Variants in PBX3 observed in about 807,000 individuals in gnomAD.
PBX3 encodes pre-B-cell leukemia transcription factor 3.
PBX3 carries 14 observed loss-of-function variants against 48.5 expected under a neutral mutation model. That is an observed-to-expected ratio of 0.29 (90% CI 0.19 to 0.45). The LOEUF (loss-of-function observed/expected upper bound fraction) is 0.45, where lower values mean the gene tolerates loss of function less well. PBX3 is among the 20% of genes least tolerant of loss of function. PBX3 has a pLI of 1.00. For synonymous variants in PBX3, 210 were observed against 200.3 expected (o/e 1.05, Z -0.41); for missense variants, 386 against 546.7 (o/e 0.71, Z 2.93).
chr9:125,900,976 C>T (rs1373118051), intron 2 of PBX3, among the ~76,000 whole-genome samples: 2 of 151,626 alleles, frequency 1.3e-5, no homozygotes, highest in East Asian at 3.9e-4. Flanking sequence ...ATTGTAGATG[C>T]CAAGTGAGAA....
Position 125,929,635 on chromosome 9 carries a change from A to G in PBX3, c.517-20A>G, listed in dbSNP as rs746628134. ...ATAGTAGATAGTTTCCAAAGGAGTG[A>G]TTTTTTTTTCCCATTACAGGCATGT... is the stretch of plus-strand genomic sequence containing the variant. On this transcript the variant is annotated intron_variant, in intron 3 of 8. Transcript: ENST00000373489. The G allele has an allele frequency of 9.7e-6, 15 of 1,551,654 alleles. No individual in the cohort carries two copies. Among genetic ancestry groups the G allele is most frequent in the Non-Finnish European group, 1.2e-5 (14 of 1,136,458 alleles).
intron 4 of PBX3, among the ~76,000 whole-genome samples, chr9:125,934,472 A>C (rs932628512): frequency 6.6e-6 from 1 of 152,244 alleles, no homozygotes; most frequent in Non-Finnish European, 1.5e-5. Context: ...GATAATTTTC[A>C]GGCTGGAATT....
At chr9:125,907,591 T>C (rs1032858090) in intron 2 of PBX3, among the ~76,000 whole-genome samples, 2 of 152,056 alleles carry the variant, frequency 1.3e-5, no homozygotes, top group African/African-American at 2.4e-5. Flanking sequence ...GTTCGTGGTA[T>C]CCCTATTTAC....
chr9:125,949,364 T>G (rs1281342528), intron 5 of PBX3: 1 of 1,550,622 alleles, frequency 6.4e-7, no homozygotes, highest in South Asian at 1.2e-5. Context: ...TACATTTTCT[T>G]GCCGGGCATA....
chr9:125,934,665 T>C (rs1004013896), intron 4 of PBX3, among the ~76,000 whole-genome samples: 1 of 152,176 alleles, frequency 6.6e-6, no homozygotes, highest in Non-Finnish European at 1.5e-5. Context: ...AGGAAGTTGC[T>C]TAAGCAGAAA....
chr9:125,899,173 T>A (rs557799363), intron 2 of PBX3, among the ~76,000 whole-genome samples: 1 of 147,436 alleles, frequency 6.8e-6, no homozygotes, highest in East Asian at 2.0e-4. Flanking sequence ...CCTTATTGTG[T>A]ACTTCACATT....
intron 2 of PBX3, among the ~76,000 whole-genome samples, chr9:125,805,521 G>A (rs988958953): frequency 6.6e-6 from 1 of 152,204 alleles, no homozygotes; most frequent in African/African-American, 2.4e-5. Flanking sequence ...TGTGCCACTT[G>A]GAGGCTATGG....
intron 2 of PBX3, among the ~76,000 whole-genome samples, chr9:125,851,321 C>CTTGA (rs2132260036): frequency 6.6e-6 from 1 of 152,080 alleles, no homozygotes; most frequent in African/African-American, 2.4e-5. Flanking sequence ...TGTTTAAAAT[C>CTTGA]TAAATCAACA....
At chr9:125,872,026 T>C (rs768554191) in intron 2 of PBX3, among the ~76,000 whole-genome samples, 7 of 152,208 alleles carry the variant, frequency 4.6e-5, no homozygotes, top group African/African-American at 7.2e-5. Context: ...AATACTGATA[T>C]TGAAGAAGTT....
intron 2 of PBX3, among the ~76,000 whole-genome samples, chr9:125,832,942 C>T (rs1438306153): frequency 1.3e-5 from 2 of 152,152 alleles, no homozygotes; most frequent in African/African-American, 4.8e-5. Flanking sequence ...TTATTATTTC[C>T]TGATGGCTCT....
chr9:125,914,120 T>C (rs73667295), intron 2 of PBX3, among the ~76,000 whole-genome samples: 4,235 of 152,296 alleles, frequency 0.028, 232 homozygotes, highest in African/African-American at 0.096. Flanking sequence ...CTTTTAGTTA[T>C]AGAAGAAACA....
intron 5 of PBX3, among the ~76,000 whole-genome samples, chr9:125,941,824 T>C (rs996530946): frequency 9.9e-5 from 15 of 152,232 alleles, no homozygotes; most frequent in African/African-American, 3.4e-4. Flanking sequence ...CTAATTTACA[T>C]TGATTATTCA....
intron 8 of PBX3, among the ~76,000 whole-genome samples, chr9:125,964,850 A>T (rs1413696760): frequency 6.6e-6 from 1 of 152,196 alleles, no homozygotes; most frequent in Non-Finnish European, 1.5e-5. Context: ...AGGAAGTTGC[A>T]AATAGATGTG....
At chr9:125,962,760 T>C (rs1018415322) in intron 7 of PBX3, among the ~76,000 whole-genome samples, 1 of 152,170 alleles carries the variant, frequency 6.6e-6, no homozygotes, top group Non-Finnish European at 1.5e-5. Context: ...GCCACATCCA[T>C]TTGGTTGCTG....
chr9:125,839,487 A>G (rs1265229558), intron 2 of PBX3, among the ~76,000 whole-genome samples: 2 of 152,240 alleles, frequency 1.3e-5, no homozygotes, highest in Non-Finnish European at 2.9e-5. Context: ...ACCCTATAAC[A>G]GAAATATTTC....
At chr9:125,835,015 CAAAAAAAAAAAAAAAAAAA>C (rs745638368) in intron 2 of PBX3, among the ~76,000 whole-genome samples, 1 of 25,170 alleles carries the variant, frequency 4.0e-5, no homozygotes, top group African/African-American at 1.6e-4. Context: ...AACTCTGTCT[CAAAAAAAAAAAAAAAAAAA>C]AAAAAAAAAA....
chr9:125,845,437 G>A (rs1178856244), intron 2 of PBX3, among the ~76,000 whole-genome samples: 1 of 152,100 alleles, frequency 6.6e-6, no homozygotes, highest in East Asian at 1.9e-4. Flanking sequence ...AAGCAACTCT[G>A]TACTGTTGTA....
At chr9:125,795,392 C>G (rs192219801) in intron 2 of PBX3, among the ~76,000 whole-genome samples, 1 of 152,268 alleles carries the variant, frequency 6.6e-6, no homozygotes, top group Admixed American at 6.5e-5. Flanking sequence ...ACATTTGATT[C>G]AGAATTTAGG....
At position 125,789,081 on chromosome 9, in the gene PBX3, A is replaced by C. The variant is rs189666036; in HGVS notation, c.274+40458A>C. Reference sequence around the variant, plus strand: ...CTCAACACTTATTTTAAGATTTTCAACATTGACACATTTAGTTCAAGTTAA... The same window carrying C: ...CTCAACACTTATTTTAAGATTTTCACCATTGACACATTTAGTTCAAGTTAA... On this transcript the variant is annotated intron_variant, in intron 2 of 8. Transcript: ENST00000373489. 1.8e-3 allele frequency among the ~76,000 whole-genome samples: 279 copies of C among 152,274 alleles called. 2 individuals carry two copies. The highest frequency in any genetic ancestry group is 3.0e-3 in the Admixed American group (46 of 15,300).
Sources: gnomAD v4.1 joint callset for allele counts (sites outside exome capture counted in the v4.1 genomes callset) on GRCh38, gnomAD v4.1.1 for gene constraint, MANE v1.5 for transcripts, NCBI Gene and HGNC (gene_info 2026-07-23, HGNC 2026-07-21) for gene names.